The following ADAMTS13 variants were observed in gnomAD, a reference collection of about 807,000 sequenced individuals.
ADAMTS13 encodes the protein A disintegrin and metalloproteinase with thrombospondin motifs 13.
ADAMTS13 carries 110 observed loss-of-function variants against 155.1 expected under a neutral mutation model. The observed-to-expected ratio is 0.71, with a 90% CI of 0.61 to 0.83. The LOEUF (loss-of-function observed/expected upper bound fraction) is 0.83. Ranked by LOEUF, ADAMTS13 falls within the 40% of genes least tolerant of loss-of-function variation. The pLI is 0.00. For missense variants in ADAMTS13, 1,707 were observed against 1,891.7 expected (o/e 0.90, Z 1.81); for synonymous variants, 758 against 756.4 (o/e 1.00, Z -0.03).
Position 133,424,368 on chromosome 9 carries a change from C to T in ADAMTS13, c.220C>T (p.Arg74Trp), listed in dbSNP as rs1255730642. 4.3e-6 allele frequency: 7 copies of T among 1,613,402 alleles called. No homozygotes were observed. The highest frequency in any genetic ancestry group is 3.3e-5 in the Admixed American group (2 of 60,016). The change falls in exon 3 of 29, where the codon CGG becomes TGG. Residue 74 changes from arginine (R) to tryptophan (W), a missense_variant. By Grantham distance (101) the Arg-to-Trp change is moderately radical. Transcript: ENST00000355699. The surrounding 1 kb of genome is among the most constrained non-coding windows in gnomAD (Gnocchi z 4.3). ...CCAGAGGCAGAGGCAGAGGCAGAGG[C>T]GGGCTGCAGGCGGCATCCTACACCT... is the stretch of plus-strand genomic sequence containing the variant. ...GFQRQRQRQR[R>W]AAGGILHLEL...
chr9:133,445,612 TCTG>T lies in ADAMTS13; in HGVS notation c.2611-79_2611-77del. ...TGCACACACGCCACTTCCTGGTCTC[TCTG>T]CTGCTGCCTGAGAAGATCGAGACGG... On this transcript the variant is annotated intron_variant, in intron 20 of 28. Transcript: ENST00000355699. The surrounding 1 kb of genome is among the most constrained non-coding windows in gnomAD (Gnocchi z 5.0). The T allele has an allele frequency of 5.0e-6, 8 of 1,605,110 alleles. No homozygotes were observed. The highest frequency in any genetic ancestry group is 6.8e-6 in the Non-Finnish European group (8 of 1,175,898).
intron 22 of ADAMTS13, among the ~76,000 whole-genome samples, chr9:133,449,341 G>A (rs915249665): frequency 1.3e-5 from 2 of 151,940 alleles, no homozygotes; most frequent in Non-Finnish European, 2.9e-5. Context: ...AAATGCAGGG[G>A]GAAAGGGGGA....
intron 15 of ADAMTS13, 132 bp downstream of exon 15, chr9:133,439,578 G>C: frequency 1.2e-6 from 1 of 801,554 alleles, no homozygotes; most frequent in Non-Finnish European, 2.2e-6. Flanking sequence ...AGGCTTGATA[G>C]TTGACTAGGA....
At chr9:133,417,966 C>G, upstream of ADAMTS13, 1 of 921,526 alleles carries the variant, frequency 1.1e-6, no homozygotes, top group Admixed American at 2.9e-5. Context: ...GCAGGGACCC[C>G]GTCCAGGAAA....
chr9:133,442,894 A>G, intron 18 of ADAMTS13, 151 bp downstream of exon 18: 1 of 1,313,802 alleles, frequency 7.6e-7, no homozygotes, highest in Non-Finnish European at 1.0e-6. Flanking sequence ...ACAGCCCTGC[A>G]AGGGGGGCTC....
At chr9:133,444,708 G>A (rs1841934189) in intron 19 of ADAMTS13, among the ~76,000 whole-genome samples, 155 bp from the exon 20 acceptor site, 1 of 152,226 alleles carries the variant, frequency 6.6e-6, no homozygotes, top group Admixed American at 6.5e-5. Context: ...GGTGCTTCAG[G>A]GAGAGACCCT....
intron 8 of ADAMTS13, among the ~76,000 whole-genome samples, chr9:133,432,053 C>T (rs1457697038): frequency 6.6e-6 from 1 of 152,134 alleles, no homozygotes; most frequent in African/African-American, 2.4e-5. Context: ...CACCTGAGGT[C>T]GGGAGTTTGA....
intron 23 of ADAMTS13, 78 bp from the exon 24 acceptor site, chr9:133,454,337 G>GTACA: frequency 1.3e-6 from 2 of 1,526,918 alleles, no homozygotes; most frequent in Non-Finnish European, 1.8e-6. Context: ...GAGTACACGT[G>GTACA]GGTGGAGAGG....
At chr9:133,447,219 A>G (rs1244432225) in intron 21 of ADAMTS13, among the ~76,000 whole-genome samples, 1 of 152,102 alleles carries the variant, frequency 6.6e-6, no homozygotes, top group East Asian at 1.9e-4. Context: ...ATGTTCTTAA[A>G]CGAAAACCCT....
intron 21 of ADAMTS13, among the ~76,000 whole-genome samples, chr9:133,447,199 A>T (rs1463805795): frequency 6.6e-6 from 1 of 152,056 alleles, no homozygotes; most frequent in Admixed American, 6.6e-5. Context: ...TGGGCTTGAG[A>T]AGACACACCA....
Position 133,428,191 on chromosome 9 carries a change from G to T in ADAMTS13, c.687-443G>T, listed in dbSNP as rs587687711. Among the ~76,000 whole-genome samples the T allele has an allele frequency of 6.6e-5, 10 of 152,312 alleles. No homozygotes were observed. The South Asian group carries it at 2.1e-3, about 32-fold the overall frequency. ...GCCTAGGAATGCAAACAATGGCCAA[G>T]GGCAAGCACGTTTTAACTGAACTTT... On this transcript the variant is annotated intron_variant, in intron 6 of 28. Coordinates refer to ENST00000355699, the MANE Select transcript of ADAMTS13 (RefSeq NM_139027.6).
At chr9:133,450,757 A>G (rs1842389266) in intron 23 of ADAMTS13, among the ~76,000 whole-genome samples, 1 of 152,138 alleles carries the variant, frequency 6.6e-6, no homozygotes. Context: ...CTCAAAAACA[A>G]AACAACAAAA....
At chr9:133,421,220 C>T (rs1473310602), upstream of ADAMTS13, among the ~76,000 whole-genome samples, 4 of 152,156 alleles carry the variant, frequency 2.6e-5, no homozygotes, top group African/African-American at 4.8e-5. Flanking sequence ...GAGCCGAGAT[C>T]GTGCCACTGC....
At chr9:133,430,173 A>G (rs1027855473) in intron 8 of ADAMTS13, 72 bp downstream of exon 8, 62 of 1,527,376 alleles carry the variant, frequency 4.1e-5, no homozygotes, top group Non-Finnish European at 5.4e-5. Flanking sequence ...GTCCCCCAAA[A>G]CGTGCATGGT....
At chr9:133,422,304 C>T, upstream of ADAMTS13, 1 of 828,216 alleles carries the variant, frequency 1.2e-6, no homozygotes, top group Non-Finnish European at 2.0e-6. Flanking sequence ...CCTGCCCTGG[C>T]AGGAAGCTTC....
At chr9:133,455,986 C>T (rs1842718133) in intron 25 of ADAMTS13, 83 bp from the exon 26 acceptor site, 1 of 1,589,898 alleles carries the variant, frequency 6.3e-7, no homozygotes, top group Non-Finnish European at 8.6e-7. Context: ...CTCCTGGTCT[C>T]CTTCCTCAGC....
chr9:133,439,677 T>C (rs1304319082), intron 15 of ADAMTS13, among the ~76,000 whole-genome samples: 4 of 152,216 alleles, frequency 2.6e-5, no homozygotes, highest in Non-Finnish European at 5.9e-5. Context: ...GGAAGAGATG[T>C]AGGCAGAGTC....
chr9:133,443,693 G>A lies in ADAMTS13; in HGVS notation c.2420+132G>A, dbSNP rs587621025. The A allele has an allele frequency of 4.1e-4, 418 of 1,026,218 alleles. 1 individual carries two copies. In the African/African-American group the frequency reaches 6.1e-3, roughly 15 times the overall value. 63.6% of individuals were successfully genotyped at this position (1,026,218 alleles called of 1,614,324 possible). A position where few individuals can be genotyped will look rare whatever the true frequency, so the allele number is the denominator to read the frequency against. ...GGGGCCTCACCATCCAGGGTGATGGGCAGTGTCACCTGGCGGTTGTAAGTG... is the reference window on the plus strand; with the variant it reads ...GGGGCCTCACCATCCAGGGTGATGGACAGTGTCACCTGGCGGTTGTAAGTG... On this transcript the variant is annotated intron_variant, in intron 19 of 28. Transcript: ENST00000355699.
chr9:133,431,768 C>T (rs1005437741), intron 8 of ADAMTS13, among the ~76,000 whole-genome samples: 1 of 152,212 alleles, frequency 6.6e-6, no homozygotes, highest in Non-Finnish European at 1.5e-5. Context: ...CATTCTCCTG[C>T]ATCAGCCTCC....
Sources: gnomAD v4.1 joint callset for allele counts (sites outside exome capture counted in the v4.1 genomes callset) on GRCh38, gnomAD v4.1.1 for gene constraint, Gnocchi (gnomAD v3.1) non-coding constraint, MANE v1.5 for transcripts, NCBI Gene and HGNC (gene_info 2026-07-23, HGNC 2026-07-21) for gene names.